Variants in FOLH1 observed in about 807,000 individuals in gnomAD.
FOLH1 encodes glutamate carboxypeptidase 2.
In FOLH1, 54 loss-of-function variants were observed where a neutral mutation model predicts 93.9. The ratio of observed to expected loss-of-function variants is 0.57; its 90% CI spans 0.46 to 0.72. FOLH1 has a LOEUF of 0.72. Among genes scored for constraint, FOLH1 ranks in the 30% least tolerant of loss-of-function variants. The pLI, the probability that FOLH1 is intolerant of heterozygous loss-of-function variation, is 0.00. For synonymous variants in FOLH1, 249 were observed against 303.6 expected, an observed-to-expected ratio of 0.82 and a Z score of 1.87; for missense variants, 571 against 892.5, an observed-to-expected ratio of 0.64 and a Z score of 4.59.
intron 17 of FOLH1, among the ~76,000 whole-genome samples, chr11:49,151,112 AT>A (rs1856465447): frequency 6.6e-6 from 1 of 152,210 alleles, no homozygotes; most frequent in Non-Finnish European, 1.5e-5. Flanking sequence ...GGAGATTGAT[AT>A]TGTTCTTTCA....
intron 13 of FOLH1, among the ~76,000 whole-genome samples, chr11:49,164,035 G>A (rs1338508350): frequency 6.6e-6 from 1 of 152,134 alleles, no homozygotes; most frequent in East Asian, 1.9e-4. Flanking sequence ...GTCCCAATGT[G>A]AGTATCTGCT....
intron 3 of FOLH1, among the ~76,000 whole-genome samples, chr11:49,195,660 T>A (rs1464012714): frequency 1.3e-5 from 2 of 149,910 alleles, no homozygotes; most frequent in African/African-American, 5.0e-5. Flanking sequence ...GACATATCCC[T>A]CTCAAGAGCA....
At position 49,173,411 on chromosome 11, in the gene FOLH1, C is replaced by T; in HGVS notation, c.1171G>A (p.Gly391Arg). 2.5e-6 allele frequency: 4 copies of T among 1,612,272 alleles called. No homozygotes were observed. Among genetic ancestry groups the T allele is most frequent in the Non-Finnish European group, 3.4e-6 (4 of 1,178,844 alleles). ...ACAATTTCATGAACAACAGCTGCTC[C>T]ACTCTGAGGGTCAATACCACCAAAC... ...WVFGGIDPQS[G>R]AAVVHEIVRS... The change falls in exon 10 of 19, where the codon GGA becomes AGA. Residue 391 changes from glycine to arginine, a missense_variant. Coordinates refer to ENST00000256999, the MANE Select transcript of FOLH1 (RefSeq NM_004476.3).
intron 9 of FOLH1, among the ~76,000 whole-genome samples, chr11:49,173,941 T>C (rs1859684477): frequency 6.6e-6 from 1 of 152,140 alleles, no homozygotes; most frequent in Admixed American, 6.5e-5. Flanking sequence ...AAATATTTTC[T>C]CCCTCTATGC....
chr11:49,173,478 T>C lies in FOLH1; in HGVS notation c.1106-2A>G, dbSNP rs1414601807. The C allele has an allele frequency of 9.4e-6, 15 of 1,593,074 alleles. No homozygotes were observed. Among genetic ancestry groups the C allele is most frequent in the Non-Finnish European group, 1.2e-5 (14 of 1,168,950 alleles). The stretch of plus-strand genomic sequence containing the variant: ...GACCTCCCAGAATGACATATCTGTC[T>C]AGAAAGCATAGATACAAGATTATTT... On this transcript the variant is annotated splice_acceptor_variant, in intron 9 of 18. Coordinates refer to ENST00000256999, the MANE Select transcript of FOLH1 (RefSeq NM_004476.3). LOFTEE classifies it high-confidence loss of function.
At position 49,193,962 on chromosome 11, in the gene FOLH1, A is replaced by T. The variant is rs146333860; in HGVS notation, c.412-1068T>A. ...ATCACGAGGTCAGGAGTTTGAGACCAGCCTGACCAACATGGTGAAACCGCG... is the reference window on the plus strand; with the variant it reads ...ATCACGAGGTCAGGAGTTTGAGACCTGCCTGACCAACATGGTGAAACCGCG... On this transcript the variant is annotated intron_variant, in intron 3 of 18. Transcript: ENST00000256999. Among the ~76,000 whole-genome samples, 890 of 152,146 alleles carry T rather than the reference A, an allele frequency of 5.8e-3. 11 individuals are homozygous for T. The highest frequency in any genetic ancestry group is 0.021 in the African/African-American group (851 of 41,498).
chr11:49,197,959 G>T (rs993023208), intron 3 of FOLH1, among the ~76,000 whole-genome samples: 8 of 151,676 alleles, frequency 5.3e-5, no homozygotes, highest in African/African-American at 1.9e-4. Flanking sequence ...ATATAACTTG[G>T]ATAAAAATAA....
intron 7 of FOLH1, among the ~76,000 whole-genome samples, chr11:49,181,570 A>C (rs1860743923): frequency 6.6e-6 from 1 of 152,168 alleles, no homozygotes; most frequent in Non-Finnish European, 1.5e-5. Context: ...CAGAGTAATT[A>C]ATGTATTATT....
intron 18 of FOLH1, among the ~76,000 whole-genome samples, chr11:49,148,037 A>C (rs1365718003): frequency 1.3e-5 from 2 of 152,018 alleles, no homozygotes; most frequent in Non-Finnish European, 2.9e-5. Context: ...ACCCTTTGAT[A>C]ATCCCTAGAA....
Position 49,208,418 on chromosome 11 carries a change from G to C in FOLH1, c.-9C>G. The C allele has an allele frequency of 1.3e-6, 2 of 1,581,836 alleles. No individual in the cohort carries two copies. The highest frequency in any genetic ancestry group is 2.3e-5 in the South Asian group (2 of 88,260). On this transcript the variant is annotated 5_prime_UTR_variant, in exon 1 of 19. Transcript: ENST00000256999. Reference sequence around the variant, plus strand: ...TGAAGGAGATTCCACATCTCGGCGCGAGCAGAGCCGGCCTCCCGGGACCCG... The same window carrying C: ...TGAAGGAGATTCCACATCTCGGCGCCAGCAGAGCCGGCCTCCCGGGACCCG...
chr11:49,196,371 G>T (rs1862617152), intron 3 of FOLH1, among the ~76,000 whole-genome samples: 1 of 151,890 alleles, frequency 6.6e-6, no homozygotes, highest in Admixed American at 6.6e-5. Flanking sequence ...AAGGCCAACT[G>T]GTTTTCCTTG....
intron 3 of FOLH1, among the ~76,000 whole-genome samples, chr11:49,194,315 T>C (rs1324962933): frequency 6.6e-6 from 1 of 151,922 alleles, no homozygotes; most frequent in African/African-American, 2.4e-5. Context: ...CGAAAATATT[T>C]ATTTTAAAGC....
At chr11:49,164,522 G>A (rs1032033708) in intron 13 of FOLH1, among the ~76,000 whole-genome samples, 183 bp downstream of exon 13, 1 of 152,180 alleles carries the variant, frequency 6.6e-6, no homozygotes, top group Non-Finnish European at 1.5e-5. Context: ...CTGGTGTGGT[G>A]AGAAATGAGG....
chr11:49,195,109 CAT>C (rs1467538988), intron 3 of FOLH1, among the ~76,000 whole-genome samples: 1 of 151,978 alleles, frequency 6.6e-6, no homozygotes, highest in Non-Finnish European at 1.5e-5. Flanking sequence ...CCATCAAATA[CAT>C]GTTTTTCCCA....
At chr11:49,159,662 G>A (rs1421697708) in intron 13 of FOLH1, among the ~76,000 whole-genome samples, 1 of 152,106 alleles carries the variant, frequency 6.6e-6, no homozygotes, top group Non-Finnish European at 1.5e-5. Context: ...TTAGGGAGGA[G>A]TCTCTCCTCC....
At position 49,208,292 on chromosome 11, in the gene FOLH1, C is replaced by G; in HGVS notation, c.118G>C (p.Gly40Arg). The stretch of plus-strand genomic sequence containing the variant: ...TTTGCTCCGCGAGGCGCCCCCCTAC[C>G]GAAGAGGAAGCCGAGGAGAAAGAAG... ...GGFFLLGFLF[G>R]WFIKSSNEAT... The change falls in exon 1 of 19, where the codon GGG becomes CGG. Residue 40 changes from glycine (G) to arginine (R), a missense_variant and splice_region_variant. By Grantham distance (125) the Gly-to-Arg change is moderately radical. Around this residue, in one of 2 missense-constraint regions of FOLH1, gnomAD observed 71 missense variants for 69.6 expected, o/e 1.02. Coordinates refer to ENST00000256999, the MANE Select transcript of FOLH1 (RefSeq NM_004476.3). 1.9e-6 allele frequency: 3 copies of G among 1,553,218 alleles called. No homozygotes were observed. Among genetic ancestry groups the G allele is most frequent in the Non-Finnish European group, 2.6e-6 (3 of 1,145,556 alleles).
At chr11:49,163,653 T>C (rs546050419) in intron 13 of FOLH1, among the ~76,000 whole-genome samples, 22 of 151,962 alleles carry the variant, frequency 1.4e-4, no homozygotes, top group Admixed American at 1.2e-3. Context: ...GAATTCAGCC[T>C]CTTTTTTATG....
rs751249618 is a variant in FOLH1, at chr11:49,146,781, G to A, written c.2228C>T (p.Ala743Val). 1 of 1,612,050 alleles carries A rather than the reference G, an allele frequency of 6.2e-7. No homozygotes were observed. Among genetic ancestry groups the A allele is most frequent in the South Asian group, 1.1e-5 (1 of 90,828 alleles). ...TTAGGCTACTTCACTCAAAGTCTCT[G>A]CAGCTGCCTGCACTGTGAAGGCTGC... ...YVAAFTVQAAAETLSEVA is the reference protein window; with the variant it reads ...YVAAFTVQAAVETLSEVA The change falls in exon 19 of 19, where the codon GCA becomes GTA. Residue 743 changes from alanine to valine, a missense_variant. By Grantham distance (64) the Ala-to-Val change is moderately conservative (BLOSUM62 0). Around this residue, in one of 2 missense-constraint regions of FOLH1, gnomAD observed 500 missense variants for 822.9 expected, o/e 0.61. Transcript: ENST00000256999.
chr11:49,205,164 A>G (rs2135345267), intron 2 of FOLH1, among the ~76,000 whole-genome samples: 1 of 152,234 alleles, frequency 6.6e-6, no homozygotes, highest in Admixed American at 6.5e-5. Context: ...AGATCACGCC[A>G]TTGCACTCCA....
Sources: gnomAD v4.1 joint callset for allele counts (sites outside exome capture counted in the v4.1 genomes callset) on GRCh38, gnomAD v4.1.1 for gene constraint, gnomAD v4.1.1 regional missense constraint, MANE v1.5 for transcripts, NCBI Gene and HGNC (gene_info 2026-07-23, HGNC 2026-07-21) for gene names.